ASB15: variants seen among roughly 807,000 people sequenced by gnomAD.
ASB15 encodes the protein ankyrin repeat and SOCS box containing 15, also known as ankyrin repeat and SOCS box protein 15.
A neutral mutation model predicts 58.0 loss-of-function variants in ASB15; 54 were observed. The observed-to-expected ratio is 0.93, with a 90% confidence interval of 0.75 to 1.17. The LOEUF is 1.17. Ranked by LOEUF, ASB15 falls within the 50% of genes most tolerant of loss-of-function variation. ASB15 has a pLI of 0.00. For synonymous variants in ASB15, 249 were observed against 262.4 expected (o/e 0.95, Z 0.50); for missense variants, 680 against 707.4 (o/e 0.96, Z 0.44).
intron 8 of ASB15, among the ~76,000 whole-genome samples, chr7:123,626,091 C>T (rs1478875230): frequency 6.6e-6 from 1 of 152,188 alleles, no homozygotes; most frequent in African/African-American, 2.4e-5. Context: ...TGTTTCATTT[C>T]CCCTCTAAGC....
At chr7:123,600,576 T>A (rs1799843506), upstream of ASB15, among the ~76,000 whole-genome samples, 1 of 152,204 alleles carries the variant, frequency 6.6e-6, no homozygotes, top group African/African-American at 2.4e-5. Flanking sequence ...CATTGAAAAA[T>A]TCCAAATTAG....
At chr7:123,622,170 C>T (rs1376981736) in intron 7 of ASB15, among the ~76,000 whole-genome samples, 1 of 152,094 alleles carries the variant, frequency 6.6e-6, no homozygotes, top group African/African-American at 2.4e-5. Flanking sequence ...CAGTTTTAAG[C>T]ATTACTATTG....
intron 1 of ASB15, among the ~76,000 whole-genome samples, chr7:123,584,456 C>T (rs1799323560): frequency 6.6e-6 from 1 of 151,778 alleles, no homozygotes; most frequent in Admixed American, 6.6e-5. Flanking sequence ...AACCTAAGAA[C>T]AACTGCTCTA....
chr7:123,601,725 G>T (rs1306531392), upstream of ASB15: 1 of 152,114 alleles, frequency 6.6e-6, no homozygotes, highest in Non-Finnish European at 1.5e-5. Flanking sequence ...GTCTAGAGAA[G>T]TCATGGGTAA....
intron 1 of ASB15, among the ~76,000 whole-genome samples, chr7:123,573,383 A>G (rs1798972358): frequency 6.8e-6 from 1 of 147,018 alleles, no homozygotes; most frequent in Non-Finnish European, 1.5e-5. Context: ...CCTGACCCTC[A>G]TTTGTCTGTG....
At chr7:123,570,839 A>C (rs1798890624) in intron 1 of ASB15, among the ~76,000 whole-genome samples, 1 of 152,104 alleles carries the variant, frequency 6.6e-6, no homozygotes, top group South Asian at 2.1e-4. Context: ...TAACAAATTT[A>C]CCTGTCCATA....
chr7:123,617,281 A>G (rs1009339543), intron 6 of ASB15, among the ~76,000 whole-genome samples: 1 of 152,228 alleles, frequency 6.6e-6, no homozygotes, highest in African/African-American at 2.4e-5. Context: ...AATATAAATT[A>G]TAATACAAAG....
At position 123,629,157 on chromosome 7, in the gene ASB15, T is replaced by C. The variant is rs1205087803; in HGVS notation, c.1163T>C (p.Val388Ala). The change falls in exon 10 of 12, where the codon GTG becomes GCG. Residue 388 changes from valine to alanine, a missense_variant. Transcript: ENST00000451215. ...CCCCTCAACTGTCTACTTGTTGCAG[T>C]GAGGGCCAATAATTATGAAATTGTC... The part of the protein sequence containing the change: ...LDPLNCLLVA[V>A]RANNYEIVRL... 9 of 1,614,024 alleles carry C rather than the reference T, an allele frequency of 5.6e-6. No individual in the cohort carries two copies. Among genetic ancestry groups the C allele is most frequent in the Admixed American group, 3.3e-5 (2 of 60,004 alleles).
At chr7:123,621,923 A>G (rs1051799596) in intron 7 of ASB15, among the ~76,000 whole-genome samples, 3 of 152,220 alleles carry the variant, frequency 2.0e-5, no homozygotes, top group Admixed American at 2.0e-4. Flanking sequence ...GAGGACGCTC[A>G]GGGACCATCT....
intron 1 of ASB15, among the ~76,000 whole-genome samples, chr7:123,574,615 A>G (rs1178169943): frequency 3.3e-5 from 5 of 152,148 alleles, no homozygotes; most frequent in African/African-American, 1.2e-4. Context: ...CAGTAGCATC[A>G]TATCTACATT....
chr7:123,582,363 T>C (rs921685030), intron 1 of ASB15, among the ~76,000 whole-genome samples: 11 of 151,858 alleles, frequency 7.2e-5, no homozygotes, highest in African/African-American at 2.7e-4. Flanking sequence ...TTCTGACAAA[T>C]AACACCACTA....
chr7:123,611,082 C>CAAAAAAAAAAAA (rs34527165), intron 3 of ASB15, among the ~76,000 whole-genome samples: 2 of 81,856 alleles, frequency 2.4e-5, no homozygotes, highest in African/African-American at 4.6e-5. Flanking sequence ...AACTCCATCT[C>CAAAAAAAAAAAA]AAAAAAAAAA....
At chr7:123,635,186 G>C (rs559707624) in intron 11 of ASB15, among the ~76,000 whole-genome samples, 1 of 152,274 alleles carries the variant, frequency 6.6e-6, no homozygotes, top group East Asian at 1.9e-4. Flanking sequence ...ATTCAGAATA[G>C]TAGTTATTTA....
intron 3 of ASB15, 107 bp from the exon 4 acceptor site, chr7:123,614,394 G>T: frequency 1.5e-6 from 1 of 679,850 alleles, no homozygotes; most frequent in Admixed American, 2.6e-5. Context: ...CTAGGGAAAG[G>T]AAAATGCATT....
rs565427164 is a variant in ASB15, at chr7:123,609,676, A to T, written c.-3+1022A>T. Among the ~76,000 whole-genome samples, 17 of 152,298 alleles carry T rather than the reference A, an allele frequency of 1.1e-4. No individual in the cohort carries two copies. The East Asian group carries it at 2.9e-3, about 26-fold the overall frequency. On this transcript the variant is annotated intron_variant, in intron 3 of 11. Transcript: ENST00000451215. ...CAACTAAACAATACATGAGGAAGAA[A>T]GTTGTATTCGTCCTTTTTCAGGGAA...
chr7:123,608,984 A>G (rs1272446874), intron 3 of ASB15: 1 of 152,046 alleles, frequency 6.6e-6, no homozygotes, highest in Non-Finnish European at 1.5e-5. Context: ...AAAAAAAAAA[A>G]AAAAGAAAAT....
At chr7:123,623,259 T>C (rs1801454319) in intron 7 of ASB15, 1 of 152,214 alleles carries the variant, frequency 6.6e-6, no homozygotes. Flanking sequence ...TGAATGTAAC[T>C]GTGTACATCT....
In ASB15 at chr7:123,614,561, G is replaced by A. The variant is rs1403437288; in HGVS notation, c.59G>A (p.Ser20Asn). The A allele has an allele frequency of 6.2e-7, 1 of 1,612,032 alleles. No homozygotes were observed. The highest frequency in any genetic ancestry group is 8.5e-7 in the Non-Finnish European group (1 of 1,178,360). The stretch of plus-strand genomic sequence containing the variant: ...CTTACAAGTTATGATATTCAGCTAA[G>A]TATTCAAGAATCCATTGAAGCCAGC... ...DHLTSYDIQLSIQESIEASKT... is the reference protein window; with the variant it reads ...DHLTSYDIQLNIQESIEASKT... The change falls in exon 4 of 12, where the codon AGT (serine) becomes AAT (asparagine). Residue 20 changes from serine (S) to asparagine (N), a missense_variant. By Grantham distance (46) the Ser-to-Asn change is conservative (BLOSUM62 1). Transcript: ENST00000451215.
upstream of ASB15, among the ~76,000 whole-genome samples, chr7:123,597,751 T>C (rs997102463): frequency 2.0e-5 from 3 of 151,940 alleles, no homozygotes; most frequent in Non-Finnish European, 2.9e-5. Flanking sequence ...GAATTGCTTG[T>C]ACACAGGAGG....
Sources: gnomAD v4.1 joint callset for allele counts (sites outside exome capture counted in the v4.1 genomes callset) on GRCh38, gnomAD v4.1.1 for gene constraint, MANE v1.5 for transcripts, NCBI Gene and HGNC (gene_info 2026-07-23, HGNC 2026-07-21) for gene names.